TENM2: variants seen among roughly 807,000 people sequenced by gnomAD.
TENM2 encodes teneurin-2.
Under a neutral mutation model 245.2 loss-of-function variants are expected in TENM2, and 52 were observed. The observed-to-expected ratio is 0.21, with a 90% CI of 0.17 to 0.27. The LOEUF is 0.27. TENM2 is among the 10% of genes least tolerant of loss of function. The pLI, the probability that TENM2 is intolerant of heterozygous loss-of-function variation, is 1.00. For missense variants in TENM2, 3,046 were observed against 3,666.8 expected, an observed-to-expected ratio of 0.83 and a Z score of 4.37; for synonymous variants, 1,363 against 1,438.9, an observed-to-expected ratio of 0.95 and a Z score of 1.19.
intron 2 of TENM2, among the ~76,000 whole-genome samples, chr5:167,734,895 T>C (rs1389285413): frequency 6.6e-6 from 1 of 152,152 alleles, no homozygotes; most frequent in Admixed American, 6.6e-5. Context: ...ACACATGCAA[T>C]TTTTAACCTC....
intron 1 of TENM2, among the ~76,000 whole-genome samples, chr5:167,349,393 A>G (rs969822282): frequency 1.3e-5 from 2 of 152,222 alleles, no homozygotes; most frequent in Non-Finnish European, 2.9e-5. Context: ...CTAAGAAGCT[A>G]CAGAATTTGA....
At chr5:167,570,140 CGGACA>C (rs946429182) in intron 2 of TENM2, among the ~76,000 whole-genome samples, 5 of 152,058 alleles carry the variant, frequency 3.3e-5, no homozygotes, top group African/African-American at 1.2e-4. Flanking sequence ...TCAGGCTGGG[CGGACA>C]GTAAGCTCTT....
At chr5:167,408,836 T>A (rs1225126575) in intron 2 of TENM2, among the ~76,000 whole-genome samples, 2 of 150,206 alleles carry the variant, frequency 1.3e-5, no homozygotes, top group Non-Finnish European at 3.0e-5. Context: ...TATATATATG[T>A]CTAATATATA....
intron 2 of TENM2, among the ~76,000 whole-genome samples, chr5:167,836,664 G>A (rs1218639808): frequency 1.3e-5 from 2 of 152,168 alleles, no homozygotes; most frequent in Admixed American, 1.3e-4. Flanking sequence ...GAGAAGGACA[G>A]GTGCCAAGTG....
chr5:167,342,676 C>T (rs1427234018), intron 1 of TENM2, among the ~76,000 whole-genome samples: 7 of 151,584 alleles, frequency 4.6e-5, no homozygotes, highest in Non-Finnish European at 1.0e-4. Context: ...TACAGGCGCC[C>T]GCCACTGCGC....
At chr5:167,179,179 G>A in the TENM2 span, among the ~76,000 whole-genome samples, 1 of 152,250 alleles carries the variant, frequency 6.6e-6, no homozygotes, top group East Asian at 1.9e-4. Context: ...AATTGGCACT[G>A]TCCTCATCCT....
chr5:167,553,097 A>G (rs985003074), intron 2 of TENM2, among the ~76,000 whole-genome samples: 2 of 152,262 alleles, frequency 1.3e-5, no homozygotes, highest in African/African-American at 4.8e-5. Flanking sequence ...GACACACAGC[A>G]AAGGAAACTG....
chr5:167,356,458 A>G lies in TENM2; in HGVS notation c.227-18740A>G, dbSNP rs138277807. ...CTAAATAGTAGAAGATAGCAGAGTCACTGGATTCTGGGAGATATTTTGAAA... is the reference window on the plus strand; with the variant it reads ...CTAAATAGTAGAAGATAGCAGAGTCGCTGGATTCTGGGAGATATTTTGAAA... On this transcript the variant is annotated intron_variant, in intron 1 of 28. Transcript: ENST00000518659. 6.6e-5 allele frequency among the ~76,000 whole-genome samples: 10 copies of G among 152,284 alleles called. No individual in the cohort carries two copies. In the East Asian group the frequency reaches 1.9e-3, roughly 30 times the overall value.
chr5:167,009,233 C>T, the TENM2 span, among the ~76,000 whole-genome samples: 1 of 152,174 alleles, frequency 6.6e-6, no homozygotes, highest in African/African-American at 2.4e-5. Context: ...CCTACACACG[C>T]ACACATATAC....
chr5:167,489,328 A>T (rs1768281479), intron 2 of TENM2, among the ~76,000 whole-genome samples: 1 of 152,062 alleles, frequency 6.6e-6, no homozygotes, highest in Non-Finnish European at 1.5e-5. Flanking sequence ...GATGTAGTAT[A>T]CTGGCCCCCT....
At chr5:167,173,859 G>A in the TENM2 span, among the ~76,000 whole-genome samples, 3 of 151,956 alleles carry the variant, frequency 2.0e-5, no homozygotes, top group Non-Finnish European at 4.4e-5. Flanking sequence ...GATAAAAGTA[G>A]AATTCAATTT....
chr5:167,765,716 T>C (rs1762971899), intron 2 of TENM2, among the ~76,000 whole-genome samples: 1 of 152,224 alleles, frequency 6.6e-6, no homozygotes, highest in African/African-American at 2.4e-5. Context: ...CCCATTGTTA[T>C]TGAGATGTGT....
intron 3 of TENM2, among the ~76,000 whole-genome samples, chr5:167,931,987 C>T (rs1419294474): frequency 6.6e-6 from 1 of 152,096 alleles, no homozygotes; most frequent in African/African-American, 2.4e-5. Flanking sequence ...TCAATAAAGC[C>T]CAAATAGTAG....
At chr5:167,541,622 G>T (rs1217140583) in intron 2 of TENM2, among the ~76,000 whole-genome samples, 1 of 152,032 alleles carries the variant, frequency 6.6e-6, no homozygotes, top group East Asian at 1.9e-4. Context: ...ACTGAAATTT[G>T]GTCATAATTC....
At chr5:167,322,491 G>C (rs1488956807) in intron 1 of TENM2, among the ~76,000 whole-genome samples, 1 of 152,140 alleles carries the variant, frequency 6.6e-6, no homozygotes, top group African/African-American at 2.4e-5. Context: ...TATGCAAGTT[G>C]TGTGTACCTT....
intron 2 of TENM2, among the ~76,000 whole-genome samples, chr5:167,749,943 A>G (rs934364676): frequency 6.6e-6 from 1 of 152,144 alleles, no homozygotes; most frequent in Non-Finnish European, 1.5e-5. Context: ...CTCTGGCTAC[A>G]TTGCCTATTC....
At chr5:167,418,812 A>G (rs1318722653) in intron 2 of TENM2, among the ~76,000 whole-genome samples, 1 of 152,174 alleles carries the variant, frequency 6.6e-6, no homozygotes, top group Non-Finnish European at 1.5e-5. Flanking sequence ...GGAAATCAAC[A>G]TTGGTAAAAG....
At chr5:167,987,878 G>A (rs558098486) in intron 4 of TENM2, among the ~76,000 whole-genome samples, 2 of 152,146 alleles carry the variant, frequency 1.3e-5, no homozygotes, top group African/African-American at 4.8e-5. Flanking sequence ...TGACACCAGG[G>A]TGTAACTGTA....
At chr5:167,989,684 G>A (rs1260056426) in intron 4 of TENM2, among the ~76,000 whole-genome samples, 2 of 152,172 alleles carry the variant, frequency 1.3e-5, no homozygotes, top group African/African-American at 4.8e-5. Context: ...GAAGGCTAAA[G>A]GACGGGGTTG....
Sources: gnomAD v4.1 joint callset for allele counts (sites outside exome capture counted in the v4.1 genomes callset) on GRCh38, gnomAD v4.1.1 for gene constraint, MANE v1.5 for transcripts, NCBI Gene and HGNC (gene_info 2026-07-23, HGNC 2026-07-21) for gene names.